The following ZNF503 variants were observed in gnomAD, a reference collection of about 807,000 sequenced individuals.
The protein encoded by ZNF503 is NocA-like zinc finger 2.
A neutral mutation model predicts 34.4 loss-of-function variants in ZNF503; 15 were observed. The ratio of observed to expected loss-of-function variants is 0.44; its 90% CI spans 0.29 to 0.67. The LOEUF is 0.67. Among genes scored for constraint, ZNF503 ranks in the 30% least tolerant of loss-of-function variants. The probability of loss-of-function intolerance (pLI) is 0.13; values close to 1 mark genes in which losing one functional copy is unlikely to be tolerated. For missense variants in ZNF503, 1,007 were observed against 926.8 expected, an observed-to-expected ratio of 1.09 and a Z score of -1.12; for synonymous variants, 580 against 456.8, an observed-to-expected ratio of 1.27 and a Z score of -3.44.
chr10:75,360,668 G>A, the ZNF503 span: 1 of 152,218 alleles, frequency 6.6e-6, no homozygotes, highest in East Asian at 1.9e-4. Context: ...GTTCTATAGA[G>A]GCCTGTTCTG....
the ZNF503 span, among the ~76,000 whole-genome samples, chr10:75,386,861 A>C: frequency 2.2e-4 from 34 of 152,020 alleles, no homozygotes; most frequent in African/African-American, 8.0e-4. Flanking sequence ...TGACTTTCAC[A>C]TGTTTCTACT....
At chr10:75,401,812 A>C (rs1040161903), upstream of ZNF503, 1 of 217,846 alleles carries the variant, frequency 4.6e-6, no homozygotes, top group Non-Finnish European at 9.0e-6. Flanking sequence ...GGGAGATTAA[A>C]GCCTTTGCCG....
chr10:75,381,713 A>G, the ZNF503 span, among the ~76,000 whole-genome samples: 1 of 146,376 alleles, frequency 6.8e-6, no homozygotes, highest in Non-Finnish European at 1.5e-5. Flanking sequence ...CTGCCTCCAG[A>G]TTTCAATTGT....
the ZNF503 span, among the ~76,000 whole-genome samples, chr10:75,313,146 T>C: frequency 2.6e-5 from 4 of 152,212 alleles, no homozygotes; most frequent in Non-Finnish European, 5.9e-5. Flanking sequence ...AACAGACTAA[T>C]ACACTTGGTT....
chr10:75,401,804 G>T, upstream of ZNF503: 1 of 255,294 alleles, frequency 3.9e-6, no homozygotes, highest in Non-Finnish European at 7.4e-6. Context: ...CACCAAGGGG[G>T]AGATTAAAGC....
the ZNF503 span, among the ~76,000 whole-genome samples, chr10:75,303,339 G>T: frequency 1.3e-5 from 2 of 152,202 alleles, no homozygotes; most frequent in Admixed American, 1.3e-4. Flanking sequence ...TGTGGTTTCT[G>T]CCCCAGTCTA....
the ZNF503 span, among the ~76,000 whole-genome samples, chr10:75,346,044 A>G: frequency 6.6e-6 from 1 of 152,242 alleles, no homozygotes; most frequent in African/African-American, 2.4e-5. Context: ...TTCTGTCTGC[A>G]TCTGGCTTTC....
the ZNF503 span, among the ~76,000 whole-genome samples, chr10:75,367,221 C>A: frequency 5.3e-5 from 8 of 152,166 alleles, no homozygotes; most frequent in Non-Finnish European, 1.0e-4. Context: ...CTCTACCCCC[C>A]ACCCAGAAAA....
At chr10:75,370,778 CAAAAAAAAAAAAAAAAAAAAAAAAAA>C in the ZNF503 span, among the ~76,000 whole-genome samples, 39 of 67,972 alleles carry the variant, frequency 5.7e-4, no homozygotes, top group East Asian at 0.02. Flanking sequence ...GGCTCCATCT[CAAAAAAAAAAAAAAAAAAAAAAAAAA>C]AAAAAAAAAA....
chr10:75,384,285 A>G, the ZNF503 span, among the ~76,000 whole-genome samples: 1 of 152,066 alleles, frequency 6.6e-6, no homozygotes, highest in African/African-American at 2.4e-5. Context: ...ATAATCTCAC[A>G]CATGCACACA....
chr10:75,385,004 T>A, the ZNF503 span, among the ~76,000 whole-genome samples: 1 of 152,174 alleles, frequency 6.6e-6, no homozygotes, highest in African/African-American at 2.4e-5. Flanking sequence ...AGTTCTCTGC[T>A]ACCAGACCAC....
In ZNF503 at chr10:75,399,973, T is replaced by G. The variant is rs1429586271; in HGVS notation, c.717A>C (p.Gly239=). 3.1e-6 allele frequency: 5 copies of G among 1,606,040 alleles called. No homozygotes were observed. The highest frequency in any genetic ancestry group is 4.2e-6 in the Non-Finnish European group (5 of 1,179,470). Residue 239 remains glycine (G), a synonymous_variant, in exon 2 of 2, where the codon GGA becomes GGC. Transcript: ENST00000372524. The part of the protein sequence containing the change: ...PSSSASACSP[G]GMLSSAGGAP... ...CACCCCCGGCCGAGGACAGCATACC[T>G]CCCGGCGAGCAGGCCGAGGCGCTGG...
rs768379247 is a variant in ZNF503 at position 75,400,019 on chromosome 10, G to A, written c.671C>T (p.Pro224Leu). The change falls in exon 2 of 2, where the codon CCC becomes CTC. Residue 224 changes from proline (P) to leucine (L), a missense_variant. Coordinates refer to ENST00000372524, the MANE Select transcript of ZNF503 (RefSeq NM_032772.6). Reference sequence around the variant, plus strand: ...GCTGGAGCTCGGGCTGCCTGTCCTGGGCGTGAATGGCTGGCAGGTGGCGCT... The same window carrying A: ...GCTGGAGCTCGGGCTGCCTGTCCTGAGCGTGAATGGCTGGCAGGTGGCGCT... ...VPSATCQPFT[P>L]RTGSPSSSAS... The A allele has an allele frequency of 1.1e-5, 18 of 1,603,918 alleles. No homozygotes were observed. The highest frequency in any genetic ancestry group is 3.4e-5 in the Admixed American group (2 of 59,680).
chr10:75,400,413 G>C, intron 1 of ZNF503, 39 bp from the exon 2 acceptor site: 1 of 1,560,654 alleles, frequency 6.4e-7, no homozygotes, highest in Non-Finnish European at 8.6e-7. Flanking sequence ...GTCACACAGA[G>C]AAAGAAGTGG....
the ZNF503 span, among the ~76,000 whole-genome samples, chr10:75,352,800 C>A: frequency 6.6e-6 from 1 of 152,210 alleles, no homozygotes; most frequent in Admixed American, 6.5e-5. Flanking sequence ...CAATTCAGAG[C>A]ATGAGAGTGA....
At chr10:75,397,182 G>T (rs971974512), downstream of ZNF503, among the ~76,000 whole-genome samples, 1 of 151,602 alleles carries the variant, frequency 6.6e-6, no homozygotes, top group African/African-American at 2.4e-5. Context: ...CCAGCCCCGG[G>T]TCCCGACTCT....
the ZNF503 span, among the ~76,000 whole-genome samples, chr10:75,316,770 T>A: frequency 6.6e-6 from 1 of 151,946 alleles, no homozygotes; most frequent in South Asian, 2.1e-4. Context: ...AACTGAAAAA[T>A]TCACAAAGAT....
At chr10:75,342,540 G>C in the ZNF503 span, among the ~76,000 whole-genome samples, 1 of 152,154 alleles carries the variant, frequency 6.6e-6, no homozygotes, top group African/African-American at 2.4e-5. Context: ...AGAGATGGGT[G>C]CCATCGCTTG....
At chr10:75,280,308 G>A in the ZNF503 span, 1 of 152,276 alleles carries the variant, frequency 6.6e-6, no homozygotes, top group Non-Finnish European at 1.5e-5. Context: ...GTGGTCTGGA[G>A]TTGGAGGTAA....
Sources: gnomAD v4.1 joint callset for allele counts (sites outside exome capture counted in the v4.1 genomes callset) on GRCh38, gnomAD v4.1.1 for gene constraint, MANE v1.5 for transcripts, NCBI Gene and HGNC (gene_info 2026-07-23, HGNC 2026-07-21) for gene names.